Variants in COL9A1 observed in about 807,000 individuals in gnomAD.
COL9A1 encodes collagen type IX alpha 1 chain.
A neutral mutation model predicts 142.6 loss-of-function variants in COL9A1; 104 were observed. That is an observed-to-expected ratio of 0.73 (90% CI 0.62 to 0.86). COL9A1 has a LOEUF of 0.86. Among genes scored for constraint, COL9A1 ranks in the 40% least tolerant of loss-of-function variants. COL9A1 has a pLI of 0.00. For synonymous variants in COL9A1, 466 were observed against 396.0 expected, an observed-to-expected ratio of 1.18 and a Z score of -2.10; for missense variants, 1,210 against 1,176.6, an observed-to-expected ratio of 1.03 and a Z score of -0.42.
At chr6:70,291,112 T>C (rs1450287266) in intron 5 of COL9A1, among the ~76,000 whole-genome samples, 1 of 152,100 alleles carries the variant, frequency 6.6e-6, no homozygotes, top group African/African-American at 2.4e-5. Context: ...GTGAGAATTC[T>C]AAGAAAATAG....
At chr6:70,234,740 C>A in intron 34 of COL9A1, 54 bp downstream of exon 34, 2 of 1,612,216 alleles carry the variant, frequency 1.2e-6, no homozygotes, top group Non-Finnish European at 1.7e-6. Flanking sequence ...AACAGCCCTG[C>A]TGCTGTGGGA....
chr6:70,288,402 C>G (rs1304054446), intron 5 of COL9A1, among the ~76,000 whole-genome samples: 1 of 152,194 alleles, frequency 6.6e-6, no homozygotes, highest in Admixed American at 6.5e-5. Flanking sequence ...TGCTCCTACA[C>G]TCTTATGTCC....
intron 5 of COL9A1, among the ~76,000 whole-genome samples, chr6:70,290,827 G>T (rs990000810): frequency 6.6e-6 from 1 of 152,122 alleles, no homozygotes; most frequent in African/African-American, 2.4e-5. Flanking sequence ...AGATTAGAAT[G>T]AATGCAATTG....
At chr6:70,270,124 TA>T (rs1260493047) in intron 15 of COL9A1, among the ~76,000 whole-genome samples, 189 bp downstream of exon 15, 1 of 152,240 alleles carries the variant, frequency 6.6e-6, no homozygotes, top group African/African-American at 2.4e-5. Context: ...AACCACCTTT[TA>T]AATTATTGTG....
At chr6:70,228,249 T>A (rs1261105811) in intron 36 of COL9A1, among the ~76,000 whole-genome samples, 1 of 152,096 alleles carries the variant, frequency 6.6e-6, no homozygotes, top group African/African-American at 2.4e-5. Context: ...TACAAGACAG[T>A]TGATTGAAAT....
At chr6:70,270,423 A>G in intron 14 of COL9A1, 56 bp from the exon 15 acceptor site, 2 of 1,526,632 alleles carry the variant, frequency 1.3e-6, no homozygotes, top group South Asian at 1.1e-5. Context: ...AACACAGTAC[A>G]TAAAACCAGT....
chr6:70,234,235 AGT>A lies in COL9A1; in HGVS notation c.2314+302_2314+303del, dbSNP rs71538408. 0.29 allele frequency among the ~76,000 whole-genome samples: 42,449 copies of A among 145,912 alleles called. 7,422 individuals are homozygous for A. Among genetic ancestry groups the A allele is most frequent in the Non-Finnish European group, 0.41 (27,249 of 66,052 alleles). ...AAGAATTTGTGTTCCAAAGGAAAAA[AGT>A]GTGTGTGTGTGTGTGTGTGTGCACT... is the stretch of plus-strand genomic sequence containing the variant. On this transcript the variant is annotated intron_variant, in intron 35 of 37. Coordinates refer to ENST00000357250, the MANE Select transcript of COL9A1 (RefSeq NM_001851.6).
intron 31 of COL9A1, among the ~76,000 whole-genome samples, chr6:70,241,207 G>C (rs559841263): frequency 6.6e-6 from 1 of 152,290 alleles, no homozygotes; most frequent in East Asian, 1.9e-4. Flanking sequence ...GTGCAGTCCT[G>C]GAGCAGAGCC....
chr6:70,252,294 T>A lies in COL9A1; in HGVS notation c.1786A>T (p.Lys596Ter). ...CCTGAATTTCCCATCTGACCAGGCT[T>A]CCCTGGAGCACCTGTGCTACCCTAA... ...GEKGSTGAPG[K>*]PGQMGNSGKP... Residue 596 changes from lysine (K) to a stop codon, truncating the protein, a stop_gained, in exon 27 of 38, where the codon AAG becomes TAG. Transcript: ENST00000357250. LOFTEE classifies it high-confidence loss of function. The A allele has an allele frequency of 6.2e-7, 1 of 1,614,186 alleles. No homozygotes were observed. Among genetic ancestry groups the A allele is most frequent in the Non-Finnish European group, 8.5e-7 (1 of 1,180,006 alleles).
chr6:70,235,384 TGGA>T (rs996638900), intron 33 of COL9A1, among the ~76,000 whole-genome samples: 10 of 151,964 alleles, frequency 6.6e-5, no homozygotes, highest in Non-Finnish European at 1.0e-4. Flanking sequence ...ACCCAGGAGG[TGGA>T]GGTTGCAGTA....
intron 19 of COL9A1, among the ~76,000 whole-genome samples, chr6:70,261,942 T>C (rs529809320): frequency 1.1e-4 from 17 of 152,276 alleles, no homozygotes; most frequent in Admixed American, 8.5e-4. Flanking sequence ...TACATGCTTT[T>C]TAAATTTGGC....
Position 70,302,914 on chromosome 6 carries a change from C to G in COL9A1, c.11G>C (p.Cys4Ser). The stretch of plus-strand genomic sequence containing the variant: ...CTTTCCAGGGTTATTGTCTTACCAG[C>G]AGGTCTTCATTTTCCCAGTTGATTT... MKT[C>S]WKIPVFFFVC... Residue 4 changes from cysteine (C) to serine (S), a missense_variant, in exon 1 of 38, where the codon TGC becomes TCC. By Grantham distance (112) the Cys-to-Ser change is moderately radical (BLOSUM62 -1). Transcript: ENST00000357250. 6.2e-7 allele frequency: 1 copy of G among 1,614,126 alleles called. No individual in the cohort carries two copies. Among genetic ancestry groups the G allele is most frequent in the Non-Finnish European group, 8.5e-7 (1 of 1,179,982 alleles).
Position 70,234,946 on chromosome 6 carries a change from A to C in COL9A1, c.2113-6T>G. On this transcript the variant is annotated splice_region_variant and splice_polypyrimidine_tract_variant and intron_variant, in intron 33 of 37. Transcript: ENST00000357250. Reference sequence around the variant, plus strand: ...GGTTCCCCAGGATTACCTGCCTGGAACACAATTGCACACTATCAAACCAGG... The same window carrying C: ...GGTTCCCCAGGATTACCTGCCTGGACCACAATTGCACACTATCAAACCAGG... The C allele has an allele frequency of 6.2e-7, 1 of 1,614,126 alleles. No individual in the cohort carries two copies. The highest frequency in any genetic ancestry group is 8.5e-7 in the Non-Finnish European group (1 of 1,180,022).
intron 10 of COL9A1, chr6:70,280,022 G>C (rs1349130836): frequency 4.3e-6 from 3 of 694,778 alleles, no homozygotes; most frequent in Non-Finnish European, 8.1e-6. Flanking sequence ...TCTGTAGTGG[G>C]TCATTATTAC....
intron 5 of COL9A1, among the ~76,000 whole-genome samples, chr6:70,287,590 A>C (rs1773505462): frequency 6.6e-6 from 1 of 151,898 alleles, no homozygotes; most frequent in African/African-American, 2.4e-5. Context: ...TCCTCTTTAC[A>C]CAAAATTCAA....
chr6:70,271,345 G>A (rs1177250290), intron 14 of COL9A1, among the ~76,000 whole-genome samples: 1 of 152,062 alleles, frequency 6.6e-6, no homozygotes, highest in African/African-American at 2.4e-5. Flanking sequence ...ATTTCATGCA[G>A]GGAGCCTAAT....
chr6:70,226,338 T>C (rs1395894654), intron 36 of COL9A1, among the ~76,000 whole-genome samples: 1 of 152,138 alleles, frequency 6.6e-6, no homozygotes, highest in East Asian at 1.9e-4. Flanking sequence ...AAAGCTAGCA[T>C]TATGCTTAAT....
intron 13 of COL9A1, 31 bp from the exon 14 acceptor site, chr6:70,271,739 T>G: frequency 6.3e-7 from 1 of 1,586,778 alleles, no homozygotes; most frequent in Admixed American, 1.7e-5. Flanking sequence ...CAAATGGTCA[T>G]TTATGAATAT....
Position 70,247,329 on chromosome 6 carries a change from G to C in COL9A1, c.1873-4614C>G, listed in dbSNP as rs3806077. Among the ~76,000 whole-genome samples the C allele has an allele frequency of 1.1e-4, 16 of 152,216 alleles. No homozygotes were observed. In the East Asian group the frequency reaches 3.1e-3, roughly 29 times the overall value. On this transcript the variant is annotated intron_variant, in intron 28 of 37. Transcript: ENST00000357250. ...TTTTCCTTTTAAAATGGAACTGTTA[G>C]ACTTTTAAAAGATCACAAAAAATAA...
Sources: allele counts gnomAD v4.1 joint callset (sites outside exome capture counted in the v4.1 genomes callset), GRCh38; gene constraint gnomAD v4.1.1; transcripts MANE v1.5; gene names NCBI Gene and HGNC (gene_info 2026-07-23, HGNC 2026-07-21).